TGFA: variants seen among roughly 807,000 people sequenced by gnomAD.
TGFA encodes the protein transforming growth factor alpha.
A neutral mutation model predicts 21.7 loss-of-function variants in TGFA; 12 were observed. The ratio of observed to expected loss-of-function variants is 0.55; its 90% CI spans 0.35 to 0.90. The LOEUF (loss-of-function observed/expected upper bound fraction) is 0.90, where lower values mean the gene tolerates loss of function less well. Ranked by LOEUF, TGFA falls within the 40% of genes least tolerant of loss-of-function variation. TGFA has a pLI of 0.01. For missense variants in TGFA, 178 were observed against 210.8 expected, an observed-to-expected ratio of 0.84 and a Z score of 0.96; for synonymous variants, 79 against 88.1, an observed-to-expected ratio of 0.90 and a Z score of 0.58.
intron 2 of TGFA, among the ~76,000 whole-genome samples, chr2:70,484,990 C>T (rs1397066811): frequency 6.6e-6 from 1 of 152,224 alleles, no homozygotes; most frequent in East Asian, 1.9e-4. Flanking sequence ...TGGAATCACC[C>T]ATTCAACTCA....
At chr2:70,470,529 T>A (rs1461476780) in intron 2 of TGFA, among the ~76,000 whole-genome samples, 1 of 152,232 alleles carries the variant, frequency 6.6e-6, no homozygotes, top group South Asian at 2.1e-4. Context: ...GGGGACTTCA[T>A]GTGCTGTGGT....
chr2:70,527,402 G>C (rs72910080), intron 1 of TGFA, among the ~76,000 whole-genome samples: 2,202 of 152,326 alleles, frequency 0.014, 54 homozygotes, highest in African/African-American at 0.044. Context: ...AAACTGTAGA[G>C]ATTGTAAAAA....
At chr2:70,453,367 G>T (rs1355341278) in intron 4 of TGFA, 40 bp from the exon 5 acceptor site, 1 of 1,586,562 alleles carries the variant, frequency 6.3e-7, no homozygotes, top group African/African-American at 1.3e-5. Context: ...CAGGAGCCTG[G>T]TAGGAGGGCC....
chr2:70,503,228 G>A (rs112360150), intron 2 of TGFA, among the ~76,000 whole-genome samples: 2,122 of 152,206 alleles, frequency 0.014, 42 homozygotes, highest in African/African-American at 0.048. Flanking sequence ...TATACACCAT[G>A]GAACACTGTG....
intron 1 of TGFA, among the ~76,000 whole-genome samples, chr2:70,551,053 G>A (rs889723682): frequency 6.9e-6 from 1 of 145,826 alleles, no homozygotes; most frequent in Admixed American, 7.0e-5. Flanking sequence ...GGAATTCTAT[G>A]GGGCCCAAAG....
In TGFA at chr2:70,547,598, T is replaced by C. The variant is rs185180847; in HGVS notation, c.40+6130A>G. Among the ~76,000 whole-genome samples the C allele has an allele frequency of 2.3e-3, 346 of 149,194 alleles. 3 individuals are homozygous for C. Among genetic ancestry groups the C allele is most frequent in the African/African-American group, 8.0e-3 (325 of 40,860 alleles). On this transcript the variant is annotated intron_variant, in intron 1 of 5. Transcript: ENST00000295400. ...ACAAAAACTATTATGAAAGATTAAG[T>C]TACAAAAACAAGTACATTAAACAGT...
intron 2 of TGFA, among the ~76,000 whole-genome samples, chr2:70,513,934 G>A (rs1033505678): frequency 2.0e-5 from 3 of 152,146 alleles, no homozygotes; most frequent in Non-Finnish European, 4.4e-5. Flanking sequence ...CCATTCACTC[G>A]GAAAGCTATC....
intron 1 of TGFA, among the ~76,000 whole-genome samples, chr2:70,552,483 T>C (rs1348109563): frequency 2.6e-5 from 4 of 152,198 alleles, no homozygotes; most frequent in African/African-American, 9.7e-5. Flanking sequence ...AAAAAGGCAA[T>C]TCTTCAAAAA....
In TGFA at chr2:70,456,412, G is replaced by A; in HGVS notation, c.292C>T (p.Gln98Ter). 1 of 1,595,506 alleles carries A rather than the reference G, an allele frequency of 6.3e-7. No individual in the cohort carries two copies. Among genetic ancestry groups the A allele is most frequent in the Non-Finnish European group, 8.5e-7 (1 of 1,171,338 alleles). Residue 98 changes from glutamine (Q) to a stop codon, truncating the protein, a stop_gained, in exon 4 of 6, where the codon CAG (glutamine) becomes TAG (stop). Transcript: ENST00000295400. LOFTEE classifies it high-confidence loss of function. ...ACCACCACCAAGGCGGTGATGGCCT[G>A]CTTCTTCTGGCTGGCAGCCACCACG... is the stretch of plus-strand genomic sequence containing the variant. ...LAVVAASQKK[Q>*]AITALVVVSI...
intron 2 of TGFA, among the ~76,000 whole-genome samples, chr2:70,466,376 G>A (rs989237990): frequency 6.6e-6 from 1 of 152,122 alleles, no homozygotes; most frequent in African/African-American, 2.4e-5. Context: ...GCGAGGTGAC[G>A]GGCGACTGTA....
chr2:70,520,528 T>C (rs1672414646), intron 1 of TGFA, among the ~76,000 whole-genome samples: 2 of 151,894 alleles, frequency 1.3e-5, no homozygotes, highest in African/African-American at 2.4e-5. Flanking sequence ...AAAAAAAAAT[T>C]GTTATTTACT....
chr2:70,550,712 T>G (rs1673472696), intron 1 of TGFA, among the ~76,000 whole-genome samples: 1 of 152,140 alleles, frequency 6.6e-6, no homozygotes, highest in South Asian at 2.1e-4. Flanking sequence ...TAGTCCCAGC[T>G]AATCGGGAGG....
chr2:70,540,041 A>G (rs1480104103), intron 1 of TGFA, among the ~76,000 whole-genome samples: 1 of 152,186 alleles, frequency 6.6e-6, no homozygotes, highest in Non-Finnish European at 1.5e-5. Flanking sequence ...TTCCAGAAAC[A>G]ATAGGAGAGA....
chr2:70,496,146 T>C (rs1553498316), intron 2 of TGFA, among the ~76,000 whole-genome samples: 4 of 152,002 alleles, frequency 2.6e-5, no homozygotes. Context: ...GGGAAGGAGG[T>C]GGTGTTACCA....
At position 70,536,299 on chromosome 2, in the gene TGFA, A is replaced by G. The variant is rs996406903; in HGVS notation, c.40+17429T>C. On this transcript the variant is annotated intron_variant, in intron 1 of 5. Transcript: ENST00000295400. ...AGGAGAAATAGAGGAATCCACTATT[A>G]TGGGTAGTGACTTCAATATCCCTCT... Among the ~76,000 whole-genome samples the G allele has an allele frequency of 3.9e-5, 6 of 152,352 alleles. No homozygotes were observed. In the South Asian group the frequency reaches 1.0e-3, roughly 26 times the overall value.
In TGFA at chr2:70,451,663, C is replaced by T; in HGVS notation, c.476-797G>A. 1.3e-5 allele frequency: 9 copies of T among 669,098 alleles called. No homozygotes were observed. In the South Asian group the frequency reaches 1.5e-4, roughly 11 times the overall value. 41.4% of individuals were successfully genotyped at this position (669,098 alleles called of 1,614,324 possible). On this transcript the variant is annotated intron_variant, in intron 5 of 5. Transcript: ENST00000295400. ...CAGACAAATGCTACAGAATCTATTA[C>T]AAATTTTCTTAAAAGATTAAAAACA...
chr2:70,530,108 C>T (rs933503987), intron 1 of TGFA, among the ~76,000 whole-genome samples: 1 of 152,176 alleles, frequency 6.6e-6, no homozygotes, highest in African/African-American at 2.4e-5. Context: ...TTCCTGACCA[C>T]CTCAGATGGG....
At chr2:70,521,268 C>T (rs921853636) in intron 1 of TGFA, among the ~76,000 whole-genome samples, 8 of 152,124 alleles carry the variant, frequency 5.3e-5, no homozygotes, top group African/African-American at 1.7e-4. Flanking sequence ...TCCTAGACCT[C>T]GTTTCCACCT....
chr2:70,472,517 T>TA (rs1451246897), intron 2 of TGFA, among the ~76,000 whole-genome samples: 1 of 152,072 alleles, frequency 6.6e-6, no homozygotes, highest in African/African-American at 2.4e-5. Context: ...CAACCCTACT[T>TA]ACAGGAAGAG....
Sources: gnomAD v4.1 joint callset for allele counts (sites outside exome capture counted in the v4.1 genomes callset) on GRCh38, gnomAD v4.1.1 for gene constraint, MANE v1.5 for transcripts, NCBI Gene and HGNC (gene_info 2026-07-23, HGNC 2026-07-21) for gene names.